PDE11A: variants seen among roughly 807,000 people sequenced by gnomAD.
PDE11A encodes dual 3',5'-cyclic-AMP and -GMP phosphodiesterase 11A.
A neutral mutation model predicts 100.5 loss-of-function variants in PDE11A; 100 were observed. That is an observed-to-expected ratio of 1.00 (90% CI 0.85 to 1.18). PDE11A has a LOEUF of 1.18. Ranked by LOEUF, PDE11A falls within the 50% of genes most tolerant of loss-of-function variation. The pLI, the probability that PDE11A is intolerant of heterozygous loss-of-function variation, is 0.00. For missense variants in PDE11A, 1,141 were observed against 1,152.6 expected (o/e 0.99, Z 0.15); for synonymous variants, 381 against 420.8 (o/e 0.91, Z 1.16).
intron 2 of PDE11A, among the ~76,000 whole-genome samples, chr2:177,932,293 C>T (rs970534664): frequency 3.9e-5 from 6 of 152,182 alleles, no homozygotes; most frequent in African/African-American, 1.2e-4. Flanking sequence ...GGGATTCTTC[C>T]CTAATTCATT....
intron 5 of PDE11A, among the ~76,000 whole-genome samples, chr2:177,866,528 T>C (rs1468216096): frequency 6.6e-6 from 1 of 152,244 alleles, no homozygotes; most frequent in African/African-American, 2.4e-5. Flanking sequence ...GAAAAACCTT[T>C]TGCTCATCTA....
rs1417154762 is a variant in PDE11A at position 177,626,259 on chromosome 2, T to C, written c.*3148A>G. ...ACAGTGCTCACGGCAGCCTGCAGTC[T>C]CTGTCAGACCCTGGGTCCAGTTTTG... On this transcript the variant is annotated 3_prime_UTR_variant, in exon 20 of 20. Coordinates refer to ENST00000286063, the MANE Select transcript of PDE11A (RefSeq NM_016953.4). 4 of 152,636 alleles carry C rather than the reference T, an allele frequency of 2.6e-5. No homozygotes were observed. The highest frequency in any genetic ancestry group is 5.9e-5 in the Non-Finnish European group (4 of 68,056). 9.5% of individuals were successfully genotyped at this position (152,636 alleles called of 1,614,324 possible).
At chr2:177,682,870 G>A (rs2080885051) in intron 15 of PDE11A, among the ~76,000 whole-genome samples, 1 of 152,104 alleles carries the variant, frequency 6.6e-6, no homozygotes, top group African/African-American at 2.4e-5. Flanking sequence ...ATTCCACATA[G>A]TACTGATGTT....
Position 178,072,565 on chromosome 2 carries a change from A to G in PDE11A, c.-128T>C. On this transcript the variant is annotated 5_prime_UTR_variant, in exon 1 of 20. Transcript: ENST00000286063. Reference sequence around the variant, plus strand: ...CAGTTCAGCGCCACCTCCCCTGGAGATTATTCCCAGCAGTGGAATCTGGGA... The same window carrying G: ...CAGTTCAGCGCCACCTCCCCTGGAGGTTATTCCCAGCAGTGGAATCTGGGA... 6.5e-7 allele frequency: 1 copy of G among 1,536,172 alleles called. No individual in the cohort carries two copies. Among genetic ancestry groups the G allele is most frequent in the Non-Finnish European group, 8.7e-7 (1 of 1,147,744 alleles).
At chr2:177,737,631 C>A (rs1410278762) in intron 10 of PDE11A, among the ~76,000 whole-genome samples, 2 of 149,976 alleles carry the variant, frequency 1.3e-5, no homozygotes, top group Non-Finnish European at 3.0e-5. Flanking sequence ...GTTCTGGATA[C>A]CTACAACCTA....
At chr2:177,652,376 G>T (rs1399886738) in intron 19 of PDE11A, among the ~76,000 whole-genome samples, 10 of 152,178 alleles carry the variant, frequency 6.6e-5, no homozygotes, top group Admixed American at 6.5e-4. Context: ...GGGGAAGGTA[G>T]GCCTGCAGAC....
At chr2:177,949,571 CATA>C (rs1306373668) in intron 2 of PDE11A, among the ~76,000 whole-genome samples, 1 of 152,076 alleles carries the variant, frequency 6.6e-6, no homozygotes, top group Admixed American at 6.5e-5. Flanking sequence ...TGGAGGTGAT[CATA>C]ATAATAATAC....
intron 4 of PDE11A, among the ~76,000 whole-genome samples, chr2:177,893,553 A>C (rs1259294296): frequency 1.3e-5 from 2 of 152,194 alleles, no homozygotes; most frequent in African/African-American, 4.8e-5. Context: ...CAAGTTGGGG[A>C]GGGGTGTGGA....
At chr2:178,010,448 A>G (rs1280340963) in intron 2 of PDE11A, among the ~76,000 whole-genome samples, 1 of 152,192 alleles carries the variant, frequency 6.6e-6, no homozygotes, top group African/African-American at 2.4e-5. Flanking sequence ...AATTAGGTAC[A>G]CATACTGCTA....
intron 2 of PDE11A, among the ~76,000 whole-genome samples, chr2:178,084,692 T>C (rs1209093802): frequency 1.3e-5 from 2 of 151,794 alleles, no homozygotes; most frequent in Non-Finnish European, 2.9e-5. Context: ...AACAGAAAGA[T>C]TGTATGAAGT....
chr2:178,051,854 T>G (rs1391173591), intron 1 of PDE11A, among the ~76,000 whole-genome samples: 2 of 152,104 alleles, frequency 1.3e-5, no homozygotes, highest in South Asian at 2.1e-4. Flanking sequence ...AGAACCCAGA[T>G]TCATAAAGCA....
chr2:177,998,577 T>C (rs1221554857), intron 2 of PDE11A: 20 of 1,299,020 alleles, frequency 1.5e-5, no homozygotes, highest in Non-Finnish European at 2.0e-5. Flanking sequence ...TAACTGTGCA[T>C]TGATAGCAGA....
At position 178,009,355 on chromosome 2, in the gene PDE11A, G is replaced by T. The variant is rs1314279420; in HGVS notation, c.1071+4947C>A. The stretch of plus-strand genomic sequence containing the variant: ...CCAGAAAATTCCGATCATCTCTCCT[G>T]CATGGTCTGCCTTTGTGTGTACTTT... On this transcript the variant is annotated intron_variant, in intron 2 of 19. Transcript: ENST00000286063. Among the ~76,000 whole-genome samples, 4 of 152,136 alleles carry T rather than the reference G, an allele frequency of 2.6e-5. No homozygotes were observed. In the East Asian group the frequency reaches 7.7e-4, roughly 29 times the overall value.
At chr2:177,743,455 T>C (rs892808135) in intron 10 of PDE11A, among the ~76,000 whole-genome samples, 1 of 152,218 alleles carries the variant, frequency 6.6e-6, no homozygotes, top group Non-Finnish European at 1.5e-5. Context: ...CAGTATGCCT[T>C]GAACTGTGCA....
At chr2:178,081,194 G>A (rs1488838547) in intron 2 of PDE11A, among the ~76,000 whole-genome samples, 1 of 152,048 alleles carries the variant, frequency 6.6e-6, no homozygotes, top group Non-Finnish European at 1.5e-5. Context: ...AATTAATAAA[G>A]ACAGAACCTG....
chr2:177,786,379 C>T (rs968786043), intron 9 of PDE11A, among the ~76,000 whole-genome samples: 39 of 152,058 alleles, frequency 2.6e-4, no homozygotes, highest in African/African-American at 8.9e-4. Flanking sequence ...ACACCAAAAA[C>T]CCATCTGTAC....
intron 2 of PDE11A, among the ~76,000 whole-genome samples, chr2:178,102,477 T>C (rs909314798): frequency 6.7e-6 from 1 of 149,188 alleles, no homozygotes; most frequent in African/African-American, 2.5e-5. Flanking sequence ...TTTCACCATA[T>C]TGGCCAAGCT....
At chr2:177,772,577 T>C (rs2082325403) in intron 9 of PDE11A, among the ~76,000 whole-genome samples, 1 of 152,212 alleles carries the variant, frequency 6.6e-6, no homozygotes, top group African/African-American at 2.4e-5. Context: ...TTTTCAAGTC[T>C]ATTTCTGCAG....
intron 2 of PDE11A, among the ~76,000 whole-genome samples, chr2:178,008,236 T>A (rs1352068857): frequency 3.3e-5 from 5 of 152,292 alleles, no homozygotes; most frequent in African/African-American, 1.2e-4. Context: ...CAATATTTTT[T>A]AAAAATATTC....
Sources: gnomAD v4.1 joint callset for allele counts (sites outside exome capture counted in the v4.1 genomes callset) on GRCh38, gnomAD v4.1.1 for gene constraint, MANE v1.5 for transcripts, NCBI Gene and HGNC (gene_info 2026-07-23, HGNC 2026-07-21) for gene names.